Variants in TTC34 observed in about 807,000 individuals in gnomAD.
TTC34 encodes the protein tetratricopeptide repeat protein 34.
In TTC34, 44 loss-of-function variants were observed where a neutral mutation model predicts 40.7. That is an observed-to-expected ratio of 1.08 (90% CI 0.85 to 1.39). The LOEUF (loss-of-function observed/expected upper bound fraction) is 1.39. Ranked by LOEUF, TTC34 falls within the 40% of genes most tolerant of loss-of-function variation. The pLI is 0.00. For synonymous variants in TTC34, 422 were observed against 398.6 expected, an observed-to-expected ratio of 1.06 and a Z score of -0.70; for missense variants, 884 against 838.0, an observed-to-expected ratio of 1.05 and a Z score of -0.68.
At chr1:2,692,626 C>T (rs543707187) in intron 6 of TTC34, among the ~76,000 whole-genome samples, 2 of 146,578 alleles carry the variant, frequency 1.4e-5, no homozygotes, top group African/African-American at 5.2e-5. Flanking sequence ...CACCCACACC[C>T]CCAGGTGAGC....
chr1:2,795,964 C>T (rs1643706904), intron 2 of TTC34, among the ~76,000 whole-genome samples: 1 of 152,208 alleles, frequency 6.6e-6, no homozygotes. Flanking sequence ...ACTTAACTGC[C>T]ATTGTAATGG....
Position 2,749,964 on chromosome 1 carries a change from C to A in TTC34, c.2226+33645G>T, listed in dbSNP as rs1448828395. Among the ~76,000 whole-genome samples the A allele has an allele frequency of 3.1e-3, 147 of 46,736 alleles. 23 individuals carry two copies. Among genetic ancestry groups the A allele is most frequent in the African/African-American group, 0.017 (138 of 8,078 alleles). 30.7% of individuals were successfully genotyped at this position (46,736 alleles called of 152,430 possible). On this transcript the variant is annotated intron_variant, in intron 6 of 8. Coordinates refer to ENST00000401095, the Ensembl canonical transcript of TTC34. ...CTGACGGCCTGGAACAGCACACACA[C>A]CGCCAGGTGAGCATTGGACACCCTG...
At chr1:2,753,012 C>G (rs1355156724) in intron 6 of TTC34, among the ~76,000 whole-genome samples, 1 of 140,710 alleles carries the variant, frequency 7.1e-6, no homozygotes, top group Non-Finnish European at 1.5e-5. Flanking sequence ...ATGGCATCCT[C>G]ACCTCCAGGT....
intron 6 of TTC34, among the ~76,000 whole-genome samples, chr1:2,764,282 G>C (rs1641727698): frequency 6.9e-6 from 1 of 145,424 alleles, no homozygotes; most frequent in Non-Finnish European, 1.5e-5. Context: ...GCATCTGACA[G>C]CCTGGAGCAG....
At chr1:2,693,908 C>G (rs1398445967) in intron 6 of TTC34, among the ~76,000 whole-genome samples, 47 of 117,006 alleles carry the variant, frequency 4.0e-4, no homozygotes, top group African/African-American at 1.4e-3. Context: ...CACCCACATG[C>G]CCAGCTGAGC....
chr1:2,700,170 T>A (rs1164731665), intron 6 of TTC34, among the ~76,000 whole-genome samples: 8 of 64,192 alleles, frequency 1.2e-4, no homozygotes, highest in Admixed American at 2.0e-4. Context: ...CATCACATAC[T>A]CCCCCAGGTG....
At chr1:2,779,127 C>T (rs1643430146) in intron 6 of TTC34, among the ~76,000 whole-genome samples, 1 of 152,148 alleles carries the variant, frequency 6.6e-6, no homozygotes, top group African/African-American at 2.4e-5. Context: ...GAATAATTCC[C>T]CATTGTATGG....
chr1:2,750,798 C>T (rs1399059019), intron 6 of TTC34, among the ~76,000 whole-genome samples: 3 of 86,470 alleles, frequency 3.5e-5, no homozygotes, highest in African/African-American at 2.1e-4. Context: ...TCTGGAGCAG[C>T]GCCCACACCC....
chr1:2,790,029 C>A, exon 3 of TTC34: 3 of 396,656 alleles, frequency 7.6e-6, no homozygotes, highest in Non-Finnish European at 1.3e-5. Flanking sequence ...GGTCGCGCCC[C>A]GGCAGGCGCC....
At chr1:2,753,297 C>G (rs1641388018) in intron 6 of TTC34, among the ~76,000 whole-genome samples, 1 of 128,386 alleles carries the variant, frequency 7.8e-6, no homozygotes. Flanking sequence ...ACCCTGCACA[C>G]CCAGGTGAGC....
intron 6 of TTC34, among the ~76,000 whole-genome samples, chr1:2,759,615 G>GACAGACTGGAACAGCAC (rs1641624925): frequency 6.6e-6 from 1 of 152,104 alleles, no homozygotes; most frequent in Admixed American, 6.5e-5. Flanking sequence ...GCGAGCATCC[G>GACAGACTGGAACAGCAC]CCAGCCTGGA....
intron 6 of TTC34, among the ~76,000 whole-genome samples, chr1:2,646,825 C>G (rs1324053669): frequency 6.6e-6 from 1 of 152,254 alleles, no homozygotes; most frequent in Non-Finnish European, 1.5e-5. Context: ...ACCACCTTCC[C>G]TCAGGATCTG....
At chr1:2,652,688 AC>A in intron 6 of TTC34, among the ~76,000 whole-genome samples, 1 of 86,632 alleles carries the variant, frequency 1.2e-5, no homozygotes. Flanking sequence ...GCCCACACCC[AC>A]AGGTGAGCAT....
intron 8 of TTC34, among the ~76,000 whole-genome samples, chr1:2,643,189 G>A (rs2100986474): frequency 6.6e-6 from 1 of 152,316 alleles, no homozygotes; most frequent in Admixed American, 6.5e-5. Flanking sequence ...CCCGCGGCTC[G>A]GGCCGCGCAG....
chr1:2,683,434 C>G (rs1266740281), intron 6 of TTC34, among the ~76,000 whole-genome samples: 3 of 148,968 alleles, frequency 2.0e-5, no homozygotes, highest in East Asian at 3.9e-4. Flanking sequence ...ACCCTTCACC[C>G]CCAGGTGAGC....
chr1:2,651,593 CCA>C (rs1478582595), intron 6 of TTC34, among the ~76,000 whole-genome samples: 1 of 151,898 alleles, frequency 6.6e-6, no homozygotes, highest in Non-Finnish European at 1.5e-5. Context: ...GAACAGCACC[CCA>C]CACCCCCTGG....
exon 9 of TTC34, chr1:2,638,584 A>G (rs4648565): frequency 0.61 from 92,706 of 152,174 alleles, 28,889 homozygotes; most frequent in Non-Finnish European, 0.68. Flanking sequence ...CAGGCCGGGG[A>G]CTGCCCAGGG....
chr1:2,673,401 G>A (rs1196775260), intron 6 of TTC34, among the ~76,000 whole-genome samples: 12 of 79,532 alleles, frequency 1.5e-4, no homozygotes, highest in Non-Finnish European at 3.3e-4. Flanking sequence ...CACACCCCCA[G>A]GTGAGCATCT....
At chr1:2,769,481 TC>T (rs1641959651) in intron 6 of TTC34, among the ~76,000 whole-genome samples, 1 of 52,490 alleles carries the variant, frequency 1.9e-5, no homozygotes, top group Non-Finnish European at 3.1e-5. Flanking sequence ...CAGGGGAGCA[TC>T]TGACATCCTG....
Sources: allele counts gnomAD v4.1 joint callset (sites outside exome capture counted in the v4.1 genomes callset), GRCh38; gene constraint gnomAD v4.1.1; transcripts MANE v1.5; gene names NCBI Gene and HGNC (gene_info 2026-07-23, HGNC 2026-07-21).